Variants in ZFC3H1 observed in about 807,000 individuals in gnomAD.
The protein encoded by ZFC3H1 is zinc finger C3H1 domain-containing protein.
In ZFC3H1, 71 loss-of-function variants were observed where a neutral mutation model predicts 243.7. That is an observed-to-expected ratio of 0.29 (90% CI 0.24 to 0.36). ZFC3H1 has a LOEUF of 0.36. Among genes scored for constraint, ZFC3H1 ranks in the 10% least tolerant of loss-of-function variants. ZFC3H1 has a pLI of 1.00. For missense variants in ZFC3H1, 1,966 were observed against 2,317.1 expected (o/e 0.85, Z 3.11); for synonymous variants, 838 against 813.0 (o/e 1.03, Z -0.52).
intron 2 of ZFC3H1, among the ~76,000 whole-genome samples, chr12:71,648,957 G>A (rs1880803146): frequency 6.6e-6 from 1 of 151,972 alleles, no homozygotes; most frequent in African/African-American, 2.4e-5. Context: ...CAGGCATGGT[G>A]GTGCACGCCT....
At chr12:71,641,782 G>A (rs1378125465) in intron 6 of ZFC3H1, among the ~76,000 whole-genome samples, 2 of 152,196 alleles carry the variant, frequency 1.3e-5, no homozygotes, top group African/African-American at 4.8e-5. Flanking sequence ...GACTAAAGCA[G>A]AAAGTATCTT....
At position 71,611,812 on chromosome 12, in the gene ZFC3H1, G is replaced by C; in HGVS notation, c.5703C>G (p.Ile1901Met). 3 of 1,609,940 alleles carry C rather than the reference G, an allele frequency of 1.9e-6. No individual in the cohort carries two copies. The highest frequency in any genetic ancestry group is 1.7e-4 in the Middle Eastern group (1 of 6,032). ...TTTTCCAGGTGGCCAGGCATGTTGG[G>C]ATATTATATGTAAACATCTTGGCTT... The part of the protein sequence containing the change: ...KLQAKMFTYN[I>M]PTCLATWKIA... Residue 1901 changes from isoleucine to methionine, a missense_variant, in exon 32 of 35, where the codon ATC becomes ATG. Coordinates refer to ENST00000378743, the MANE Select transcript of ZFC3H1 (RefSeq NM_144982.5).
intron 26 of ZFC3H1, 35 bp downstream of exon 26, chr12:71,619,891 A>T (rs745853737): frequency 1.9e-6 from 3 of 1,554,408 alleles, no homozygotes; most frequent in Non-Finnish European, 2.6e-6. Flanking sequence ...TGAAACATAA[A>T]AGCATCATAT....
chr12:71,632,572 TG>T, intron 14 of ZFC3H1, 58 bp from the exon 15 acceptor site: 1 of 1,499,974 alleles, frequency 6.7e-7, no homozygotes, highest in Non-Finnish European at 8.8e-7. Flanking sequence ...AAACAATTTT[TG>T]GTAAGATAAT....
chr12:71,621,107 C>A (rs1880013682), intron 24 of ZFC3H1, among the ~76,000 whole-genome samples: 1 of 152,154 alleles, frequency 6.6e-6, no homozygotes, highest in Admixed American at 6.5e-5. Flanking sequence ...TGACTCTACT[C>A]TCCCTTTTAC....
intron 10 of ZFC3H1, among the ~76,000 whole-genome samples, chr12:71,635,209 A>C (rs1367158924): frequency 3.3e-5 from 5 of 152,194 alleles, no homozygotes; most frequent in African/African-American, 1.2e-4. Context: ...TACTATTTTG[A>C]AAAAGGAAAT....
chr12:71,618,826 T>C (rs1227030067), intron 27 of ZFC3H1, among the ~76,000 whole-genome samples: 1 of 152,222 alleles, frequency 6.6e-6, no homozygotes, highest in Non-Finnish European at 1.5e-5. Context: ...TATGAGCTAT[T>C]AAGAAATTAA....
chr12:71,658,976 G>A (rs1311954449), intron 1 of ZFC3H1, among the ~76,000 whole-genome samples: 2 of 152,004 alleles, frequency 1.3e-5, no homozygotes, highest in Non-Finnish European at 2.9e-5. Context: ...TGACCCCTCT[G>A]AGAATCTGAC....
At position 71,656,055 on chromosome 12, in the gene ZFC3H1, T is replaced by C. The variant is rs546118184; in HGVS notation, c.1015+830A>G. On this transcript the variant is annotated intron_variant, in intron 2 of 34. Transcript: ENST00000378743. ...AAAGGCAATATACTGTATGATTCCA[T>C]TAGTGTGACATTCTGGAAAAGGCAA... is the stretch of plus-strand genomic sequence containing the variant. Among the ~76,000 whole-genome samples the C allele has an allele frequency of 3.3e-5, 5 of 152,294 alleles. No homozygotes were observed. The East Asian group carries it at 9.6e-4, about 29-fold the overall frequency.
At chr12:71,614,186 A>G (rs17109981) in intron 30 of ZFC3H1, among the ~76,000 whole-genome samples, 3,881 of 152,252 alleles carry the variant, frequency 0.025, 183 homozygotes, top group African/African-American at 0.089. Context: ...TTCATTCAGT[A>G]GAATTTTCAA....
intron 13 of ZFC3H1, 54 bp downstream of exon 13, chr12:71,633,210 T>G: frequency 6.7e-7 from 1 of 1,496,312 alleles, no homozygotes; most frequent in South Asian, 1.4e-5. Context: ...ACAGAAAATT[T>G]GGCCTATAAA....
At chr12:71,630,482 T>C in intron 18 of ZFC3H1, 118 bp downstream of exon 18, 1 of 1,319,714 alleles carries the variant, frequency 7.6e-7, no homozygotes, top group East Asian at 2.4e-5. Flanking sequence ...AGATAAAGTA[T>C]TATGGGTAAA....
chr12:71,633,844 G>A (rs1880387816), intron 12 of ZFC3H1, among the ~76,000 whole-genome samples: 1 of 152,142 alleles, frequency 6.6e-6, no homozygotes, highest in Non-Finnish European at 1.5e-5. Flanking sequence ...TTTTAGTAGA[G>A]ACAGGGTTTC....
chr12:71,642,593 T>C, intron 5 of ZFC3H1, 34 bp from the exon 6 acceptor site: 1 of 1,580,908 alleles, frequency 6.3e-7, no homozygotes, highest in Non-Finnish European at 8.6e-7. Context: ...TTTCAAAGCA[T>C]TTTCTGTCTT....
At chr12:71,655,994 TC>T (rs1223660624) in intron 2 of ZFC3H1, among the ~76,000 whole-genome samples, 2 of 152,184 alleles carry the variant, frequency 1.3e-5, no homozygotes, top group African/African-American at 2.4e-5. Context: ...TGAATGAATT[TC>T]AAACACATTA....
intron 30 of ZFC3H1, among the ~76,000 whole-genome samples, chr12:71,613,970 A>T (rs925308270): frequency 6.6e-6 from 1 of 152,158 alleles, no homozygotes; most frequent in Non-Finnish European, 1.5e-5. Flanking sequence ...GCACTGAATA[A>T]AAGTGGTGTC....
At chr12:71,639,134 T>C (rs986960565) in intron 6 of ZFC3H1, among the ~76,000 whole-genome samples, 1 of 149,532 alleles carries the variant, frequency 6.7e-6, no homozygotes, top group East Asian at 1.9e-4. Flanking sequence ...TAAAAATAAT[T>C]GTGTATTTTA....
At chr12:71,638,828 CA>C (rs201669192) in intron 6 of ZFC3H1, among the ~76,000 whole-genome samples, 2 of 149,216 alleles carry the variant, frequency 1.3e-5, no homozygotes, top group Non-Finnish European at 3.0e-5. Context: ...AAAAAACAAA[CA>C]AAAAAAAACA....
chr12:71,629,709 T>C lies in ZFC3H1; in HGVS notation c.3726A>G (p.Glu1242=). 6.2e-7 allele frequency: 1 copy of C among 1,600,390 alleles called. No individual in the cohort carries two copies. Among genetic ancestry groups the C allele is most frequent in the Non-Finnish European group, 8.6e-7 (1 of 1,168,642 alleles). ...CTCCAAAAAGTTTCTCAACATATTT[T>C]TCTGAAATAAGAGCAATGCAATCTT... ...STNEEITASA[E]KYVEKLFGVN... Residue 1242 remains glutamate, a splice_region_variant and synonymous_variant, in exon 19 of 35, where the codon GAA becomes GAG. Transcript: ENST00000378743.
Sources: allele counts gnomAD v4.1 joint callset (sites outside exome capture counted in the v4.1 genomes callset), GRCh38; gene constraint gnomAD v4.1.1; transcripts MANE v1.5; gene names NCBI Gene and HGNC (gene_info 2026-07-23, HGNC 2026-07-21).